The following NEBL variants were observed in gnomAD, a reference collection of about 807,000 sequenced individuals.
The protein encoded by NEBL is LIM and SH3 protein 2.
A neutral mutation model predicts 140.2 loss-of-function variants in NEBL; 122 were observed. The ratio of observed to expected loss-of-function variants is 0.87; its 90% CI spans 0.75 to 1.01. The LOEUF is 1.01. Ranked by LOEUF, NEBL falls within the 50% of genes least tolerant of loss-of-function variation. The pLI is 0.00. For missense variants in NEBL, 1,365 were observed against 1,231.3 expected (o/e 1.11, Z -1.62); for synonymous variants, 436 against 398.9 (o/e 1.09, Z -1.11).
At chr10:20,904,360 C>A (rs1414935391) in intron 4 of NEBL, among the ~76,000 whole-genome samples, 1 of 152,050 alleles carries the variant, frequency 6.6e-6, no homozygotes, top group Non-Finnish European at 1.5e-5. Flanking sequence ...CTTATGGGTA[C>A]CCTCATTTAT....
intron 14 of NEBL, among the ~76,000 whole-genome samples, chr10:20,834,320 T>A (rs1032647950): frequency 4.6e-5 from 7 of 152,216 alleles, no homozygotes; most frequent in Admixed American, 3.3e-4. Flanking sequence ...AATGACTATC[T>A]CTCAGGACGA....
chr10:21,004,701 C>A (rs532831296), intron 3 of NEBL, among the ~76,000 whole-genome samples: 1 of 149,472 alleles, frequency 6.7e-6, no homozygotes, highest in East Asian at 2.1e-4. Flanking sequence ...GCCTGGGGCA[C>A]AAAGCGAGAC....
intron 4 of NEBL, among the ~76,000 whole-genome samples, chr10:20,943,140 G>C (rs530005361): frequency 1.3e-5 from 2 of 152,276 alleles, no homozygotes; most frequent in South Asian, 4.1e-4. Flanking sequence ...ACATGCACAC[G>C]TATGTTTATT....
chr10:20,868,812 G>A, intron 6 of NEBL, 47 bp from the exon 7 acceptor site: 1 of 1,297,004 alleles, frequency 7.7e-7, no homozygotes, highest in Non-Finnish European at 1.1e-6. Context: ...ACCCTCCAAT[G>A]ATGAACTACA....
rs180705423 is a variant in NEBL, at chr10:21,122,177, C to T, written c.164+50206G>A. Among the ~76,000 whole-genome samples the T allele has an allele frequency of 1.1e-4, 17 of 152,240 alleles. No individual in the cohort carries two copies. In the East Asian group the frequency reaches 3.1e-3, roughly 28 times the overall value. ...AGTAGCTGGGATTACAGGCACCTAC[C>T]ACCATGCCTGGCTAGTTTTTGTATT... On this transcript the variant is annotated intron_variant, in intron 2 of 6. Coordinates refer to the NEBL transcript ENST00000417816.
At chr10:20,957,132 C>A (rs999394742) in intron 4 of NEBL, among the ~76,000 whole-genome samples, 4 of 152,164 alleles carry the variant, frequency 2.6e-5, no homozygotes, top group South Asian at 2.1e-4. Flanking sequence ...TGAATCAAAT[C>A]TTTTAATAGC....
upstream of NEBL, among the ~76,000 whole-genome samples, chr10:21,177,156 G>C (rs1164629357): frequency 6.6e-6 from 1 of 152,192 alleles, no homozygotes; most frequent in African/African-American, 2.4e-5. Context: ...AATGTGAGTG[G>C]ACATGACATA....
At chr10:20,886,326 C>T (rs559194864) in intron 4 of NEBL, among the ~76,000 whole-genome samples, 32 of 152,008 alleles carry the variant, frequency 2.1e-4, no homozygotes, top group South Asian at 1.5e-3. Context: ...AGTTCAAGAC[C>T]AGCCTGGCCA....
intron 4 of NEBL, among the ~76,000 whole-genome samples, chr10:20,951,630 A>G (rs1835469978): frequency 6.6e-6 from 1 of 152,148 alleles, no homozygotes; most frequent in African/African-American, 2.4e-5. Flanking sequence ...ATAACACTCA[A>G]CTATTACTCT....
chr10:21,166,002 C>T (rs998605098), intron 2 of NEBL, among the ~76,000 whole-genome samples: 5 of 152,004 alleles, frequency 3.3e-5, no homozygotes, highest in African/African-American at 7.2e-5. Context: ...GGGAGGATCA[C>T]GAGGTCAGGA....
At chr10:21,027,650 A>G (rs919059378) in intron 2 of NEBL, among the ~76,000 whole-genome samples, 5 of 152,126 alleles carry the variant, frequency 3.3e-5, no homozygotes, top group Admixed American at 6.5e-5. Flanking sequence ...AGAACATTTA[A>G]AAAGCAAAAG....
chr10:20,879,174 C>G (rs16921209), intron 5 of NEBL, among the ~76,000 whole-genome samples: 6,646 of 152,250 alleles, frequency 0.044, 467 homozygotes, highest in African/African-American at 0.14. Flanking sequence ...TTGACAGTAA[C>G]CTTTAAGGTG....
intron 2 of NEBL, among the ~76,000 whole-genome samples, chr10:21,099,750 T>C (rs1162114724): frequency 6.6e-6 from 1 of 152,076 alleles, no homozygotes; most frequent in Non-Finnish European, 1.5e-5. Flanking sequence ...GAAATGAGGG[T>C]ATTTCCAACA....
intron 2 of NEBL, among the ~76,000 whole-genome samples, chr10:21,071,002 C>T (rs1835791574): frequency 1.3e-5 from 2 of 151,538 alleles, no homozygotes; most frequent in South Asian, 2.1e-4. Flanking sequence ...CATAGCAACA[C>T]TCTGCCTCTA....
At chr10:20,866,524 A>G (rs1406036927) in intron 7 of NEBL, among the ~76,000 whole-genome samples, 1 of 152,168 alleles carries the variant, frequency 6.6e-6, no homozygotes, top group Non-Finnish European at 1.5e-5. Flanking sequence ...AACTCTTCTC[A>G]AAATCCTTTT....
chr10:21,025,480 A>G (rs1321441541), intron 2 of NEBL, among the ~76,000 whole-genome samples: 13 of 152,236 alleles, frequency 8.5e-5, no homozygotes, highest in Admixed American at 8.5e-4. Context: ...AGATGACTTC[A>G]AATTTTTTTT....
At chr10:21,003,446 G>T (rs956610111) in intron 3 of NEBL, among the ~76,000 whole-genome samples, 1 of 152,150 alleles carries the variant, frequency 6.6e-6, no homozygotes, top group Non-Finnish European at 1.5e-5. Flanking sequence ...CTAGCATTTT[G>T]ATTGAAAGGA....
chr10:20,892,244 T>C (rs549220234), intron 2 of NEBL, among the ~76,000 whole-genome samples: 1 of 152,358 alleles, frequency 6.6e-6, no homozygotes, highest in Non-Finnish European at 1.5e-5. Context: ...GTGACTTTAG[T>C]GGAAATCTTC....
At chr10:21,218,735 C>G (rs1048702711) in intron 3 of NEBL, among the ~76,000 whole-genome samples, 5 of 151,978 alleles carry the variant, frequency 3.3e-5, no homozygotes, top group African/African-American at 1.2e-4. Context: ...GAAGGAGAAC[C>G]CAAGGAAGTG....
Sources: allele counts gnomAD v4.1 joint callset (sites outside exome capture counted in the v4.1 genomes callset), GRCh38; gene constraint gnomAD v4.1.1; transcripts MANE v1.5; gene names NCBI Gene and HGNC (gene_info 2026-07-23, HGNC 2026-07-21).